The following PPFIBP2 variants were observed in gnomAD, a reference collection of about 807,000 sequenced individuals.
PPFIBP2 encodes the protein PPFIB scaffold protein 2.
Under a neutral mutation model 118.3 loss-of-function variants are expected in PPFIBP2, and 118 were observed. That is an observed-to-expected ratio of 1.00 (90% CI 0.86 to 1.16). The LOEUF is 1.16. PPFIBP2 is among the 50% of genes most tolerant of loss of function. PPFIBP2 has a pLI of 0.00. For missense variants in PPFIBP2, 1,195 were observed against 1,073.1 expected (o/e 1.11, Z -1.59); for synonymous variants, 414 against 397.4 (o/e 1.04, Z -0.50).
chr11:7,599,491 C>G (rs1861002820), intron 5 of PPFIBP2, among the ~76,000 whole-genome samples: 1 of 152,192 alleles, frequency 6.6e-6, no homozygotes, highest in Non-Finnish European at 1.5e-5. Context: ...GACAGTGTTT[C>G]TGCTCCATTG....
chr11:7,652,997 C>T lies in PPFIBP2; in HGVS notation c.2437-27C>T, dbSNP rs112435240. 6 of 1,590,288 alleles carry T rather than the reference C, an allele frequency of 3.8e-6. No individual in the cohort carries two copies. The African/African-American group carries it at 5.4e-5, about 14-fold the overall frequency. On this transcript the variant is annotated intron_variant, in intron 23 of 23. Transcript: ENST00000299492. ...CTGCACACTGCCTTGATTGCCTTCT[C>T]ATAATCTTGCATTTTCTGTGTTTTA...
Position 7,616,461 on chromosome 11 carries a change from A to G in PPFIBP2, c.619-4474A>G, listed in dbSNP as rs1214368457. On this transcript the variant is annotated intron_variant, in intron 6 of 23. Transcript: ENST00000299492. The surrounding 1 kb of genome is among the most constrained non-coding windows in gnomAD (Gnocchi z 5.2). ...TAGGGATCCGTGTCCTCAAGGAGTG[A>G]GTCTCGTCAGATTGGCCTTATCGGT... is the stretch of plus-strand genomic sequence containing the variant. Among the ~76,000 whole-genome samples the G allele has an allele frequency of 2.0e-5, 3 of 152,200 alleles. No individual in the cohort carries two copies. Among genetic ancestry groups the G allele is most frequent in the African/African-American group, 7.2e-5 (3 of 41,456 alleles).
chr11:7,633,156 AG>A (rs2135783896), intron 12 of PPFIBP2, among the ~76,000 whole-genome samples: 1 of 152,300 alleles, frequency 6.6e-6, no homozygotes, highest in East Asian at 1.9e-4. Context: ...TCACTGAGAA[AG>A]GATCTGGCCA....
intron 3 of PPFIBP2, among the ~76,000 whole-genome samples, chr11:7,569,888 G>A (rs1855460282): frequency 6.6e-6 from 1 of 152,174 alleles, no homozygotes; most frequent in Admixed American, 6.5e-5. Flanking sequence ...GTAGGATGAT[G>A]CCCTCGGGAG....
At chr11:7,630,824 C>A in intron 10 of PPFIBP2, 101 bp from the exon 11 acceptor site, 1 of 855,788 alleles carries the variant, frequency 1.2e-6, no homozygotes, top group Non-Finnish European at 2.0e-6. Flanking sequence ...ATTTCTTAGT[C>A]CTTCTTAATG....
chr11:7,610,778 A>T (rs890964923), intron 6 of PPFIBP2, among the ~76,000 whole-genome samples: 1 of 152,208 alleles, frequency 6.6e-6, no homozygotes, highest in Non-Finnish European at 1.5e-5. Context: ...CAGCCTCCCA[A>T]TAGGCCATTG....
At chr11:7,615,104 G>A (rs1848476955) in intron 6 of PPFIBP2, among the ~76,000 whole-genome samples, 1 of 152,152 alleles carries the variant, frequency 6.6e-6, no homozygotes, top group Non-Finnish European at 1.5e-5. Context: ...GGGAGGCTGA[G>A]GAGACTGGAT....
In PPFIBP2 at chr11:7,642,285, C is replaced by A. The variant is rs2135909437; in HGVS notation, c.1518-13C>A. The A allele has an allele frequency of 1.9e-6, 3 of 1,613,556 alleles. No homozygotes were observed. The East Asian group carries it at 6.7e-5, about 36-fold the overall frequency. ...TATTCCATGACCGTCTCCATGGATT[C>A]TTCTCCATGCAGAATCCGAAGAACT... On this transcript the variant is annotated splice_polypyrimidine_tract_variant and intron_variant, in intron 16 of 23. Transcript: ENST00000299492.
chr11:7,585,056 G>A (rs949250439), intron 3 of PPFIBP2, among the ~76,000 whole-genome samples: 1 of 152,164 alleles, frequency 6.6e-6, no homozygotes, highest in Non-Finnish European at 1.5e-5. Flanking sequence ...CTTACCCAAC[G>A]TGCTGTGTTC....
chr11:7,582,873 G>T (rs376620257), intron 3 of PPFIBP2, among the ~76,000 whole-genome samples: 3 of 152,236 alleles, frequency 2.0e-5, no homozygotes, highest in African/African-American at 7.2e-5. Flanking sequence ...ACCCAATCCT[G>T]TTCCAGCTCC....
Position 7,630,942 on chromosome 11 carries a change from C to G in PPFIBP2, c.982C>G (p.Leu328Val). ...MVTQGPSERT[L>V]SINEEEPEGG... ...GCTTGCAGGGCCTTCGGAGAGAACT[C>G]TCTCAATCAATGAAGAAGAACCGGA... Residue 328 changes from leucine (L) to valine (V), a missense_variant, in exon 11 of 24, where the codon CTC (leucine) becomes GTC (valine). By Grantham distance (32) the Leu-to-Val change is conservative. Transcript: ENST00000299492. 6.2e-7 allele frequency: 1 copy of G among 1,614,034 alleles called. No homozygotes were observed.
downstream of PPFIBP2, among the ~76,000 whole-genome samples, chr11:7,654,762 G>A (rs1854529184): frequency 6.6e-6 from 1 of 152,208 alleles, no homozygotes; most frequent in Admixed American, 6.5e-5. Flanking sequence ...GCATGTGCCT[G>A]TTTTCAAAAC....
chr11:7,608,444 C>G (rs1847657821), intron 5 of PPFIBP2, among the ~76,000 whole-genome samples: 1 of 151,886 alleles, frequency 6.6e-6, no homozygotes, highest in Non-Finnish European at 1.5e-5. Flanking sequence ...AGTTCAAGAC[C>G]AGCCTGGCCA....
intron 1 of PPFIBP2, among the ~76,000 whole-genome samples, chr11:7,544,485 A>C (rs1279663705): frequency 6.6e-6 from 1 of 152,144 alleles, no homozygotes; most frequent in Non-Finnish European, 1.5e-5. Context: ...GCTGGGGAGC[A>C]TGATTTAAAT....
intron 1 of PPFIBP2, among the ~76,000 whole-genome samples, chr11:7,518,267 T>A (rs894000989): frequency 6.6e-6 from 1 of 152,238 alleles, no homozygotes; most frequent in Admixed American, 6.5e-5. Context: ...ACCGAAGGTT[T>A]AAGATAGTGG....
intron 3 of PPFIBP2, among the ~76,000 whole-genome samples, chr11:7,572,596 A>G (rs985410337): frequency 2.0e-5 from 3 of 152,176 alleles, no homozygotes; most frequent in African/African-American, 7.2e-5. Flanking sequence ...GCATAACTTG[A>G]GGTCTGAGCA....
At chr11:7,608,004 GT>G (rs1188952450) in intron 5 of PPFIBP2, among the ~76,000 whole-genome samples, 1 of 152,126 alleles carries the variant, frequency 6.6e-6, no homozygotes, top group Non-Finnish European at 1.5e-5. Flanking sequence ...GGGTAAGAGA[GT>G]AGGTGGTGTG....
intron 1 of PPFIBP2, among the ~76,000 whole-genome samples, chr11:7,524,921 C>T (rs183578775): frequency 1.4e-4 from 21 of 152,312 alleles, no homozygotes; most frequent in African/African-American, 4.1e-4. Flanking sequence ...GCTCTTCCTG[C>T]GACCAACCAG....
chr11:7,634,482 G>A lies in PPFIBP2; in HGVS notation c.1137-13G>A, dbSNP rs928476830. ...CTTCTCATAACTATTTCTTTCTTTT[G>A]TGTTTTTTTCAGGGCTCAGAAAAAG... On this transcript the variant is annotated splice_polypyrimidine_tract_variant and intron_variant, in intron 12 of 23. Coordinates refer to ENST00000299492, the MANE Select transcript of PPFIBP2 (RefSeq NM_003621.5). The A allele has an allele frequency of 6.9e-6, 11 of 1,598,618 alleles. No individual in the cohort carries two copies. The African/African-American group carries it at 1.2e-4, about 18-fold the overall frequency.
Sources: allele counts gnomAD v4.1 joint callset (sites outside exome capture counted in the v4.1 genomes callset), GRCh38; gene constraint gnomAD v4.1.1; non-coding constraint Gnocchi (gnomAD v3.1); transcripts MANE v1.5; gene names NCBI Gene and HGNC (gene_info 2026-07-23, HGNC 2026-07-21).